The following ST8SIA1 variants were observed in gnomAD, a reference collection of about 807,000 sequenced individuals.
ST8SIA1 encodes the protein alpha-N-acetylneuraminide alpha-2,8-sialyltransferase.
A neutral mutation model predicts 35.9 loss-of-function variants in ST8SIA1; 16 were observed. The ratio of observed to expected loss-of-function variants is 0.45; its 90% CI spans 0.30 to 0.68. ST8SIA1 has a LOEUF of 0.68. Among genes scored for constraint, ST8SIA1 ranks in the 30% least tolerant of loss-of-function variants. The pLI is 0.09. For missense variants in ST8SIA1, 383 were observed against 453.6 expected (o/e 0.84, Z 1.41); for synonymous variants, 170 against 169.6 (o/e 1.00, Z -0.02).
At chr12:22,277,269 G>A (rs1175932797) in intron 2 of ST8SIA1, among the ~76,000 whole-genome samples, 1 of 151,972 alleles carries the variant, frequency 6.6e-6, no homozygotes. Flanking sequence ...AGTGAAGAGT[G>A]AGTTAAGAGA....
intron 2 of ST8SIA1, among the ~76,000 whole-genome samples, chr12:22,266,267 A>C (rs1865847258): frequency 6.6e-6 from 1 of 151,908 alleles, no homozygotes; most frequent in East Asian, 1.9e-4. Flanking sequence ...AAAAAAACTC[A>C]AGCAGACAAG....
chr12:22,293,816 G>A (rs1056744151), intron 1 of ST8SIA1, among the ~76,000 whole-genome samples: 9 of 152,036 alleles, frequency 5.9e-5, no homozygotes, highest in Admixed American at 2.0e-4. Flanking sequence ...TAAGTTGTAC[G>A]TTCACCATAT....
intron 1 of ST8SIA1, among the ~76,000 whole-genome samples, chr12:22,308,255 T>G (rs1866408256): frequency 2.6e-5 from 4 of 152,208 alleles, no homozygotes; most frequent in Admixed American, 2.6e-4. Context: ...TATTAAAAAT[T>G]TGAAAGTTAT....
At chr12:22,273,011 C>T (rs1354224717) in intron 2 of ST8SIA1, among the ~76,000 whole-genome samples, 3 of 152,146 alleles carry the variant, frequency 2.0e-5, no homozygotes, top group Admixed American at 2.0e-4. Context: ...CAAAAGCGCT[C>T]GGGGTCACCC....
intron 4 of ST8SIA1, among the ~76,000 whole-genome samples, chr12:22,210,149 T>C (rs1865161213): frequency 6.6e-6 from 1 of 152,216 alleles, no homozygotes; most frequent in African/African-American, 2.4e-5. Context: ...CCAAGACAAA[T>C]GTTATATAGA....
intron 3 of ST8SIA1, among the ~76,000 whole-genome samples, chr12:22,252,326 C>T (rs1008110624): frequency 5.9e-5 from 9 of 152,106 alleles, no homozygotes; most frequent in Non-Finnish European, 8.8e-5. Flanking sequence ...TTCTAATCTA[C>T]GTTTATTCAT....
chr12:22,218,582 C>T (rs1865260628), intron 4 of ST8SIA1, among the ~76,000 whole-genome samples: 1 of 125,700 alleles, frequency 8.0e-6, no homozygotes. Context: ...CATGCCATTG[C>T]ACTCCAGTCT....
chr12:22,333,885 T>C (rs377303873), intron 1 of ST8SIA1, 112 bp downstream of exon 1: 426 of 943,968 alleles, frequency 4.5e-4, no homozygotes, highest in Non-Finnish European at 6.8e-4. Flanking sequence ...GAAGAGCGGA[T>C]GAAAGGGATG....
intron 1 of ST8SIA1, among the ~76,000 whole-genome samples, chr12:22,317,279 A>T (rs931315348): frequency 9.9e-5 from 15 of 152,196 alleles, no homozygotes; most frequent in Non-Finnish European, 1.9e-4. Flanking sequence ...ACAATTTATT[A>T]CGTGATTTGA....
chr12:22,216,712 T>C (rs1008843131), intron 4 of ST8SIA1, among the ~76,000 whole-genome samples: 2 of 152,214 alleles, frequency 1.3e-5, no homozygotes, highest in Non-Finnish European at 2.9e-5. Context: ...CTAAGGCTAA[T>C]GCTATGCCTG....
intron 4 of ST8SIA1, among the ~76,000 whole-genome samples, chr12:22,224,890 A>G (rs1865338040): frequency 6.6e-6 from 1 of 152,186 alleles, no homozygotes; most frequent in Admixed American, 6.5e-5. Context: ...ATCTTTGTAG[A>G]TATAATAGTT....
chr12:22,267,895 A>G (rs1209258706), intron 2 of ST8SIA1, among the ~76,000 whole-genome samples: 1 of 152,102 alleles, frequency 6.6e-6, no homozygotes. Flanking sequence ...CCTTCCCTAG[A>G]ACCTTCCCTG....
At chr12:22,218,795 G>C (rs778186281) in intron 4 of ST8SIA1, among the ~76,000 whole-genome samples, 68 of 151,358 alleles carry the variant, frequency 4.5e-4, no homozygotes, top group Non-Finnish European at 8.1e-4. Flanking sequence ...ACTCTAGCCT[G>C]GGCAACAGAG....
intron 4 of ST8SIA1, among the ~76,000 whole-genome samples, chr12:22,212,247 A>T (rs1003648438): frequency 6.6e-6 from 1 of 152,150 alleles, no homozygotes; most frequent in Non-Finnish European, 1.5e-5. Context: ...TAATTTGAAC[A>T]CTTCCTTTAT....
At chr12:22,211,243 C>T (rs1381083035) in intron 4 of ST8SIA1, among the ~76,000 whole-genome samples, 1 of 152,210 alleles carries the variant, frequency 6.6e-6, no homozygotes, top group Non-Finnish European at 1.5e-5. Flanking sequence ...AAACCCTGTC[C>T]TGTTAGGTTT....
intron 4 of ST8SIA1, among the ~76,000 whole-genome samples, chr12:22,226,563 C>G (rs1047295290): frequency 1.3e-4 from 19 of 149,602 alleles, no homozygotes; most frequent in African/African-American, 3.4e-4. Flanking sequence ...ATTGATTCTT[C>G]TTCAGCAAAC....
intron 1 of ST8SIA1, chr12:22,325,349 GA>G (rs2135844813): frequency 2.9e-6 from 2 of 686,632 alleles, no homozygotes; most frequent in East Asian, 5.5e-5. Context: ...TTTAAGATCT[GA>G]AAAATGGAGA....
intron 1 of ST8SIA1, among the ~76,000 whole-genome samples, chr12:22,322,276 T>C (rs1591857683): frequency 6.6e-6 from 1 of 152,206 alleles, no homozygotes; most frequent in Admixed American, 6.5e-5. Flanking sequence ...TCCTTTCCCA[T>C]TGTGTGCTGC....
chr12:22,327,173 A>C (rs1403290046), intron 1 of ST8SIA1, among the ~76,000 whole-genome samples: 1 of 152,224 alleles, frequency 6.6e-6, no homozygotes, highest in African/African-American at 2.4e-5. Context: ...AGAAGTTATC[A>C]TCAAACCAAC....
Sources: allele counts gnomAD v4.1 joint callset (sites outside exome capture counted in the v4.1 genomes callset), GRCh38; gene constraint gnomAD v4.1.1; transcripts MANE v1.5; gene names NCBI Gene and HGNC (gene_info 2026-07-23, HGNC 2026-07-21).